The following GPHN variants were observed in gnomAD, a reference collection of about 807,000 sequenced individuals.
GPHN encodes gephyrin.
GPHN carries 17 observed loss-of-function variants against 95.5 expected under a neutral mutation model. The ratio of observed to expected loss-of-function variants is 0.18; its 90% CI spans 0.12 to 0.27. GPHN has a LOEUF of 0.27. Ranked by LOEUF, GPHN falls within the 10% of genes least tolerant of loss-of-function variation. The pLI is 1.00. For missense variants in GPHN, 660 were observed against 978.1 expected (o/e 0.67, Z 4.34); for synonymous variants, 320 against 322.5 (o/e 0.99, Z 0.08).
At chr14:67,279,678 G>T in the GPHN span, 1 of 773,474 alleles carries the variant, frequency 1.3e-6, no homozygotes, top group East Asian at 2.9e-5. Flanking sequence ...TGTTTTCGTG[G>T]AAACGCCGTA....
intron 9 of GPHN, among the ~76,000 whole-genome samples, chr14:67,022,017 C>T (rs1213502344): frequency 6.6e-6 from 1 of 152,042 alleles, no homozygotes. Flanking sequence ...ACTCTTCTAG[C>T]TTTCTCTTGT....
the GPHN span, among the ~76,000 whole-genome samples, chr14:67,519,043 G>T: frequency 6.6e-6 from 1 of 152,186 alleles, no homozygotes; most frequent in Non-Finnish European, 1.5e-5. Flanking sequence ...AACAAGCTGG[G>T]TAGGAAAGAA....
rs991396566 is a variant in GPHN, at chr14:66,877,624, T to G, written c.295-2315T>G. On this transcript the variant is annotated intron_variant, in intron 4 of 22. Transcript: ENST00000478722. ...ACAGAGAGCCAAATCATGAGTGAAC[T>G]CCCATTCACAATTGCTACAAAGAGA... Among the ~76,000 whole-genome samples the G allele has an allele frequency of 5.3e-5, 8 of 152,186 alleles. No homozygotes were observed. The East Asian group carries it at 1.5e-3, about 29-fold the overall frequency.
At chr14:67,196,594 C>T in the GPHN span, among the ~76,000 whole-genome samples, 1 of 152,202 alleles carries the variant, frequency 6.6e-6, no homozygotes, top group South Asian at 2.1e-4. Flanking sequence ...ACACTTTAAA[C>T]AGCAATTAAA....
the GPHN span, chr14:67,347,395 A>T: frequency 1.3e-6 from 2 of 1,588,116 alleles, no homozygotes; most frequent in Non-Finnish European, 1.7e-6. Context: ...TAATACAAAA[A>T]GTTTCACACT....
intron 1 of GPHN, among the ~76,000 whole-genome samples, chr14:66,538,607 T>C (rs2059226998): frequency 6.6e-6 from 1 of 152,046 alleles, no homozygotes; most frequent in Admixed American, 6.5e-5. Context: ...TATTTTTAAA[T>C]AGGTTTCCTT....
At chr14:66,542,474 C>G (rs1166033810) in intron 1 of GPHN, among the ~76,000 whole-genome samples, 1 of 152,136 alleles carries the variant, frequency 6.6e-6, no homozygotes, top group South Asian at 2.1e-4. Context: ...CATCTACCAC[C>G]ATCTCCATCC....
intron 9 of GPHN, among the ~76,000 whole-genome samples, chr14:66,992,831 A>G (rs1459454789): frequency 6.6e-6 from 1 of 152,158 alleles, no homozygotes; most frequent in East Asian, 1.9e-4. Context: ...ATGAGATTCA[A>G]ATTTCAGTGT....
the GPHN span, among the ~76,000 whole-genome samples, chr14:67,357,262 T>C: frequency 5.9e-5 from 9 of 152,260 alleles, no homozygotes; most frequent in Non-Finnish European, 1.3e-4. Context: ...GTATATTTTC[T>C]AGCCTATGGC....
the GPHN span, among the ~76,000 whole-genome samples, chr14:67,611,847 A>G: frequency 6.6e-6 from 1 of 152,130 alleles, no homozygotes; most frequent in Non-Finnish European, 1.5e-5. Context: ...TTATTATTAC[A>G]TTGTAATATA....
In GPHN at chr14:67,108,126, T is replaced by C. The variant is rs532965877; in HGVS notation, c.1294-2014T>C. Among the ~76,000 whole-genome samples the C allele has an allele frequency of 1.1e-4, 16 of 152,146 alleles. No homozygotes were observed. The South Asian group carries it at 3.3e-3, about 32-fold the overall frequency. On this transcript the variant is annotated intron_variant, in intron 13 of 22. Coordinates refer to ENST00000478722, the MANE Select transcript of GPHN (RefSeq NM_020806.5). The stretch of plus-strand genomic sequence containing the variant: ...TGCAGCACCCAGGAGCTAGCAACAG[T>C]GAGATTTCCTTACCACATCTTAGTC...
chr14:66,995,809 A>G (rs965289305), intron 9 of GPHN, among the ~76,000 whole-genome samples: 3 of 152,214 alleles, frequency 2.0e-5, no homozygotes, highest in African/African-American at 4.8e-5. Flanking sequence ...GAGTTATTCT[A>G]TAAACAACCT....
chr14:66,922,346 A>G (rs994343199), intron 6 of GPHN, among the ~76,000 whole-genome samples: 1 of 152,018 alleles, frequency 6.6e-6, no homozygotes, highest in Non-Finnish European at 1.5e-5. Flanking sequence ...CATGACAAAA[A>G]TATTACAAAT....
intron 18 of GPHN, among the ~76,000 whole-genome samples, chr14:67,158,125 G>A (rs1262838668): frequency 1.3e-5 from 2 of 151,882 alleles, no homozygotes; most frequent in African/African-American, 4.8e-5. Context: ...TGGCCAACCT[G>A]GTGAAACAGT....
chr14:66,748,758 C>T (rs1032729971), intron 2 of GPHN, among the ~76,000 whole-genome samples: 1 of 151,984 alleles, frequency 6.6e-6, no homozygotes, highest in Admixed American at 6.6e-5. Context: ...TTCATCTACA[C>T]ATGGCCTCAA....
the GPHN span, among the ~76,000 whole-genome samples, chr14:67,331,544 A>T: frequency 6.6e-6 from 1 of 152,094 alleles, no homozygotes; most frequent in Admixed American, 6.6e-5. Context: ...TAGCAGTATG[A>T]ACTTATTGTC....
the GPHN span, among the ~76,000 whole-genome samples, chr14:67,658,469 C>T: frequency 2.0e-5 from 3 of 151,962 alleles, no homozygotes; most frequent in Admixed American, 6.6e-5. Flanking sequence ...TGGTGGTGGG[C>T]GCCTGTAGTC....
the GPHN span, among the ~76,000 whole-genome samples, chr14:67,602,293 T>G: frequency 6.6e-6 from 1 of 152,112 alleles, no homozygotes; most frequent in African/African-American, 2.4e-5. Flanking sequence ...GAGAACTCAC[T>G]CAGCATCACG....
At chr14:66,906,328 C>T (rs2065378680) in intron 5 of GPHN, among the ~76,000 whole-genome samples, 1 of 152,168 alleles carries the variant, frequency 6.6e-6, no homozygotes, top group Non-Finnish European at 1.5e-5. Context: ...TTCCTTCAGA[C>T]ACTTGTGATG....
Sources: gnomAD v4.1 joint callset for allele counts (sites outside exome capture counted in the v4.1 genomes callset) on GRCh38, gnomAD v4.1.1 for gene constraint, MANE v1.5 for transcripts, NCBI Gene and HGNC (gene_info 2026-07-23, HGNC 2026-07-21) for gene names.